OSMR: variants seen among roughly 807,000 people sequenced by gnomAD.
OSMR encodes the protein oncostatin-M-specific receptor subunit beta.
A neutral mutation model predicts 99.9 loss-of-function variants in OSMR; 81 were observed. The observed-to-expected ratio is 0.81, with a 90% confidence interval of 0.68 to 0.97. The LOEUF (loss-of-function observed/expected upper bound fraction) is 0.97, where lower values mean the gene tolerates loss of function less well. Among genes scored for constraint, OSMR ranks in the 50% least tolerant of loss-of-function variants. OSMR has a pLI of 0.00. For synonymous variants in OSMR, 406 were observed against 410.4 expected, an observed-to-expected ratio of 0.99 and a Z score of 0.13; for missense variants, 1,099 against 1,153.4, an observed-to-expected ratio of 0.95 and a Z score of 0.68.
At chr5:38,897,408 T>A (rs754736683) in intron 7 of OSMR, among the ~76,000 whole-genome samples, 14 of 152,076 alleles carry the variant, frequency 9.2e-5, no homozygotes, top group Non-Finnish European at 1.8e-4. Flanking sequence ...TTTCTATTTC[T>A]TGTAGATTTT....
intron 15 of OSMR, among the ~76,000 whole-genome samples, chr5:38,929,634 T>C (rs1303505128): frequency 6.6e-6 from 1 of 152,196 alleles, no homozygotes; most frequent in Non-Finnish European, 1.5e-5. Flanking sequence ...ACAAGCAATT[T>C]TGGAAAACTC....
chr5:38,930,801 G>GA (rs942544038), intron 15 of OSMR, among the ~76,000 whole-genome samples: 12 of 151,472 alleles, frequency 7.9e-5, no homozygotes, highest in Admixed American at 6.6e-5. Context: ...GTTTTTAAAG[G>GA]AAAAAAAATG....
intron 15 of OSMR, among the ~76,000 whole-genome samples, chr5:38,926,632 C>T (rs368938210): frequency 1.2e-4 from 18 of 152,280 alleles, no homozygotes; most frequent in South Asian, 4.1e-4. Flanking sequence ...TTACATCCCA[C>T]GGGGTCCCTC....
chr5:38,887,764 T>A (rs1743884945), intron 7 of OSMR, among the ~76,000 whole-genome samples: 1 of 152,190 alleles, frequency 6.6e-6, no homozygotes, highest in Non-Finnish European at 1.5e-5. Context: ...AATCTATAAA[T>A]GCAACTTGGA....
At chr5:38,867,901 C>A (rs372504625) in intron 1 of OSMR, among the ~76,000 whole-genome samples, 71 of 126,196 alleles carry the variant, frequency 5.6e-4, no homozygotes, top group South Asian at 1.9e-3. Context: ...TTAAATTTAG[C>A]TCTCTTGAGA....
downstream of OSMR, chr5:38,939,347 T>C (rs1358540553): frequency 8.6e-6 from 2 of 232,298 alleles, no homozygotes; most frequent in Non-Finnish European, 1.7e-5. Context: ...CACATTATGT[T>C]AATAATGTAT....
At chr5:38,890,194 G>A (rs1044097668) in intron 7 of OSMR, among the ~76,000 whole-genome samples, 2 of 152,174 alleles carry the variant, frequency 1.3e-5, no homozygotes, top group Non-Finnish European at 2.9e-5. Flanking sequence ...TGAAAGTGTG[G>A]TCTATGGACC....
At chr5:38,918,700 T>A (rs897392769) in intron 10 of OSMR, 140 bp from the exon 11 acceptor site, 2 of 1,483,196 alleles carry the variant, frequency 1.3e-6, no homozygotes, top group Admixed American at 4.8e-5. Context: ...TTGAGAGAGT[T>A]ATTTTCTCTA....
downstream of OSMR, among the ~76,000 whole-genome samples, chr5:38,936,636 T>G (rs1205809078): frequency 2.0e-5 from 3 of 152,204 alleles, no homozygotes; most frequent in African/African-American, 7.2e-5. Flanking sequence ...TAATAATATC[T>G]TCTTATTAAA....
chr5:38,943,208 T>C, intron 1 of OSMR: 1 of 385,030 alleles, frequency 2.6e-6, no homozygotes, highest in Non-Finnish European at 4.7e-6. Context: ...TCTTGTAAAA[T>C]TGAAGCATTC....
chr5:38,940,551 T>TA, downstream of OSMR: 1 of 232,540 alleles, frequency 4.3e-6, no homozygotes, highest in Admixed American at 5.6e-5. Flanking sequence ...TGATAAAGTA[T>TA]AAAAAAATTA....
chr5:38,898,115 C>T (rs1744639868), intron 7 of OSMR, among the ~76,000 whole-genome samples: 1 of 152,060 alleles, frequency 6.6e-6, no homozygotes, highest in African/African-American at 2.4e-5. Context: ...CTATTAGGGC[C>T]ATTTGTTCTA....
intron 2 of OSMR, among the ~76,000 whole-genome samples, chr5:38,874,528 A>G (rs941467946): frequency 1.2e-4 from 19 of 152,192 alleles, no homozygotes; most frequent in African/African-American, 4.6e-4. Flanking sequence ...TGGACCAATC[A>G]CAAGAAAAAC....
intron 16 of OSMR, 148 bp from the exon 17 acceptor site, chr5:38,932,315 T>G (rs1055548433): frequency 1.4e-6 from 1 of 693,968 alleles, no homozygotes. Context: ...CATTTAGCCA[T>G]AAGAAATTAA....
intron 1 of OSMR, among the ~76,000 whole-genome samples, chr5:38,865,757 A>G (rs1741889376): frequency 1.3e-5 from 2 of 151,558 alleles, no homozygotes; most frequent in African/African-American, 4.9e-5. Flanking sequence ...CTTGGGTGCC[A>G]GCAGTGGCAG....
intron 9 of OSMR, among the ~76,000 whole-genome samples, chr5:38,906,141 G>C (rs981903240): frequency 6.7e-6 from 1 of 149,670 alleles, no homozygotes; most frequent in African/African-American, 2.5e-5. Flanking sequence ...TTTTAGAAAA[G>C]AATTTTTATT....
intron 1 of OSMR, among the ~76,000 whole-genome samples, chr5:38,861,328 CG>C (rs1473072782): frequency 1.3e-5 from 2 of 151,934 alleles, no homozygotes; most frequent in African/African-American, 4.8e-5. Context: ...TGATTCTTAA[CG>C]AGCATGCTGC....
intron 9 of OSMR, among the ~76,000 whole-genome samples, chr5:38,915,869 G>A (rs186433139): frequency 5.4e-4 from 82 of 152,336 alleles, no homozygotes; most frequent in Non-Finnish European, 4.7e-4. Context: ...AATGAGATGT[G>A]CTGTTAGGAC....
chr5:38,925,672 T>C (rs779321712), intron 15 of OSMR, among the ~76,000 whole-genome samples: 11 of 152,332 alleles, frequency 7.2e-5, no homozygotes, highest in Non-Finnish European at 1.2e-4. Flanking sequence ...CAATCCTGTA[T>C]GTAGTTTGAA....
Sources: gnomAD v4.1 joint callset for allele counts (sites outside exome capture counted in the v4.1 genomes callset) on GRCh38, gnomAD v4.1.1 for gene constraint, MANE v1.5 for transcripts, NCBI Gene and HGNC (gene_info 2026-07-23, HGNC 2026-07-21) for gene names.